PRKN: variants seen among roughly 807,000 people sequenced by gnomAD.
PRKN encodes E3 ubiquitin-protein ligase parkin.
PRKN carries 56 observed loss-of-function variants against 59.5 expected under a neutral mutation model. The observed-to-expected ratio is 0.94, with a 90% CI of 0.76 to 1.18. PRKN has a LOEUF of 1.18. Ranked by LOEUF, PRKN falls within the 50% of genes most tolerant of loss-of-function variation. The pLI is 0.00. For missense variants in PRKN, 657 were observed against 596.4 expected, an observed-to-expected ratio of 1.10 and a Z score of -1.06; for synonymous variants, 250 against 222.1, an observed-to-expected ratio of 1.13 and a Z score of -1.12.
At chr6:161,632,863 T>C (rs1783367377) in intron 7 of PRKN, among the ~76,000 whole-genome samples, 3 of 152,164 alleles carry the variant, frequency 2.0e-5, no homozygotes, top group Admixed American at 1.3e-4. Context: ...GAGAATAGCA[T>C]GGAAGTAAAC....
chr6:162,416,888 T>A (rs1583536819), intron 2 of PRKN, among the ~76,000 whole-genome samples: 1 of 152,108 alleles, frequency 6.6e-6, no homozygotes, highest in African/African-American at 2.4e-5. Flanking sequence ...ATTAAAGAAA[T>A]TTTTTATTTA....
At chr6:162,180,983 C>T (rs968254319) in intron 4 of PRKN, among the ~76,000 whole-genome samples, 6 of 152,218 alleles carry the variant, frequency 3.9e-5, no homozygotes, top group Admixed American at 1.3e-4. Flanking sequence ...GGATTGGCCT[C>T]ATTCTCAGGT....
At chr6:162,618,250 T>G (rs1342802151) in intron 1 of PRKN, among the ~76,000 whole-genome samples, 2 of 152,076 alleles carry the variant, frequency 1.3e-5, no homozygotes. Context: ...TCTTATGAAG[T>G]GTGTATTCAA....
chr6:161,671,928 C>T (rs1784924384), intron 7 of PRKN, among the ~76,000 whole-genome samples: 1 of 152,152 alleles, frequency 6.6e-6, no homozygotes, highest in Non-Finnish European at 1.5e-5. Flanking sequence ...ATATAAAGTT[C>T]TGCTGCTCCA....
chr6:161,987,143 A>G (rs1429470295), intron 5 of PRKN, among the ~76,000 whole-genome samples: 1 of 152,236 alleles, frequency 6.6e-6, no homozygotes, highest in Non-Finnish European at 1.5e-5. Context: ...ACAATTTAAT[A>G]CTTTCTCACA....
intron 6 of PRKN, among the ~76,000 whole-genome samples, chr6:161,790,772 G>C (rs369398733): frequency 1.3e-5 from 2 of 152,134 alleles, no homozygotes; most frequent in African/African-American, 4.8e-5. Flanking sequence ...TTTTGTTATA[G>C]CAGCCAGAAT....
At chr6:162,390,697 C>G (rs956456573) in intron 2 of PRKN, among the ~76,000 whole-genome samples, 2 of 152,036 alleles carry the variant, frequency 1.3e-5, no homozygotes, top group Non-Finnish European at 2.9e-5. Context: ...CCCACCTCGG[C>G]CTTCCAAAGT....
intron 1 of PRKN, among the ~76,000 whole-genome samples, chr6:162,579,591 A>G (rs1362635279): frequency 1.3e-5 from 2 of 151,830 alleles, no homozygotes; most frequent in Non-Finnish European, 2.9e-5. Context: ...ACAAGTTCAC[A>G]CGTGCACAGA....
intron 6 of PRKN, among the ~76,000 whole-genome samples, chr6:161,815,693 T>C (rs753281631): frequency 6.6e-6 from 1 of 152,014 alleles, no homozygotes; most frequent in Admixed American, 6.6e-5. Flanking sequence ...CTTCAGAGAG[T>C]GGCCAGGCCC....
intron 4 of PRKN, among the ~76,000 whole-genome samples, chr6:162,089,567 TC>T (rs1779389875): frequency 6.6e-6 from 1 of 152,136 alleles, no homozygotes; most frequent in Non-Finnish European, 1.5e-5. Context: ...AAAATGTATG[TC>T]CATATAAAAA....
intron 3 of PRKN, among the ~76,000 whole-genome samples, chr6:162,239,373 T>C (rs1040958288): frequency 6.6e-6 from 1 of 152,208 alleles, no homozygotes; most frequent in Admixed American, 6.5e-5. Flanking sequence ...AACTATTTTG[T>C]AATGCAAGAT....
chr6:161,457,568 A>G lies in PRKN; in HGVS notation c.1084-70691T>C, dbSNP rs146338024. Among the ~76,000 whole-genome samples the G allele has an allele frequency of 2.2e-4, 34 of 152,314 alleles. 1 individual carries two copies. In the East Asian group the frequency reaches 6.6e-3, roughly 29 times the overall value. ...ACATGACTGCTGAATGTGTGGATAGATGGATGGGAGGATGAATGGATGCAT... is the reference window on the plus strand; with the variant it reads ...ACATGACTGCTGAATGTGTGGATAGGTGGATGGGAGGATGAATGGATGCAT... On this transcript the variant is annotated intron_variant, in intron 9 of 11. Coordinates refer to ENST00000366898, the MANE Select transcript of PRKN (RefSeq NM_004562.3). This position sits in a 1 kb window ranked among gnomAD's most constrained non-coding sequence, Gnocchi z 5.0.
At chr6:162,132,671 G>A (rs1187608859) in intron 4 of PRKN, among the ~76,000 whole-genome samples, 3 of 152,084 alleles carry the variant, frequency 2.0e-5, no homozygotes, top group African/African-American at 7.2e-5. Flanking sequence ...GTGGAAATGG[G>A]GAGGCAGGGT....
intron 7 of PRKN, among the ~76,000 whole-genome samples, chr6:161,591,627 AAT>A (rs1261248712): frequency 6.6e-6 from 1 of 152,244 alleles, no homozygotes; most frequent in Non-Finnish European, 1.5e-5. Flanking sequence ...AGTCTAAAGC[AAT>A]GTTTCAAATA....
intron 1 of PRKN, among the ~76,000 whole-genome samples, chr6:162,633,048 T>G (rs1777567757): frequency 6.6e-6 from 1 of 152,142 alleles, no homozygotes; most frequent in South Asian, 2.1e-4. Flanking sequence ...CATGTATTAA[T>G]TTTGAATGTA....
chr6:161,458,660 A>C lies in PRKN; in HGVS notation c.1084-71783T>G, dbSNP rs1790077848. Among the ~76,000 whole-genome samples, 1 of 152,208 alleles carries C rather than the reference A, an allele frequency of 6.6e-6. No homozygotes were observed. Among genetic ancestry groups the C allele is most frequent in the African/African-American group, 2.4e-5 (1 of 41,462 alleles). On this transcript the variant is annotated intron_variant, in intron 9 of 11. Transcript: ENST00000366898. The surrounding 1 kb of genome is among the most constrained non-coding windows in gnomAD (Gnocchi z 6.1). ...ATTAAGCTCAAAGTTTGTGTTTAAAATATATGTTTGTTTTCTTCTACAGAG... is the reference window on the plus strand; with the variant it reads ...ATTAAGCTCAAAGTTTGTGTTTAAACTATATGTTTGTTTTCTTCTACAGAG...
intron 1 of PRKN, among the ~76,000 whole-genome samples, chr6:162,515,994 G>A (rs766612959): frequency 4.7e-4 from 72 of 152,184 alleles, no homozygotes; most frequent in Non-Finnish European, 9.3e-4. Context: ...TTGTTCCTGC[G>A]GAAACTTAGC....
intron 5 of PRKN, among the ~76,000 whole-genome samples, chr6:162,010,660 TTA>T (rs536081927): frequency 3.6e-4 from 2 of 5,504 alleles, no homozygotes; most frequent in Non-Finnish European, 4.3e-4. Context: ...ATATAATATA[TTA>T]TATATAATAT....
chr6:162,380,536 T>G (rs1394516420), intron 2 of PRKN, among the ~76,000 whole-genome samples: 1 of 143,662 alleles, frequency 7.0e-6, no homozygotes, highest in Non-Finnish European at 1.5e-5. Context: ...TATATATACA[T>G]ATATATATGT....
Sources: gnomAD v4.1 joint callset for allele counts (sites outside exome capture counted in the v4.1 genomes callset) on GRCh38, gnomAD v4.1.1 for gene constraint, Gnocchi (gnomAD v3.1) non-coding constraint, MANE v1.5 for transcripts, NCBI Gene and HGNC (gene_info 2026-07-23, HGNC 2026-07-21) for gene names.